The following RBFOX3 variants were observed in gnomAD, a reference collection of about 807,000 sequenced individuals.
RBFOX3 encodes the protein RNA binding protein fox-1 homolog 3.
Under a neutral mutation model 48.7 loss-of-function variants are expected in RBFOX3, and 17 were observed. The ratio of observed to expected loss-of-function variants is 0.35; its 90% confidence interval spans 0.24 to 0.52. The LOEUF (loss-of-function observed/expected upper bound fraction) is 0.52. Among genes scored for constraint, RBFOX3 ranks in the 20% least tolerant of loss-of-function variants. The pLI, the probability that RBFOX3 is intolerant of heterozygous loss-of-function variation, is 0.94. For synonymous variants in RBFOX3, 212 were observed against 209.5 expected, an observed-to-expected ratio of 1.01 and a Z score of -0.10; for missense variants, 382 against 497.5, an observed-to-expected ratio of 0.77 and a Z score of 2.21.
At chr17:79,229,794 G>A (rs959023281) in intron 4 of RBFOX3, among the ~76,000 whole-genome samples, 21 of 152,264 alleles carry the variant, frequency 1.4e-4, no homozygotes, top group African/African-American at 4.8e-4. Context: ...CTGTGGTCTT[G>A]CCTTGGCCAC....
Position 79,378,846 on chromosome 17 carries a change from G to T in RBFOX3, c.-174-71022C>A, listed in dbSNP as rs1203501021. 7.9e-5 allele frequency among the ~76,000 whole-genome samples: 12 copies of T among 152,236 alleles called. No individual in the cohort carries two copies. The East Asian group carries it at 1.5e-3, about 20-fold the overall frequency. On this transcript the variant is annotated intron_variant, in intron 2 of 14. Transcript: ENST00000693108. ...CCACTGAAAGGCTGGCAGGGAACAT[G>T]GATCCTGCTCTCCACAGCCGCACAG...
At chr17:79,445,764 G>A (rs1478710888) in intron 2 of RBFOX3, among the ~76,000 whole-genome samples, 4 of 152,188 alleles carry the variant, frequency 2.6e-5, no homozygotes, top group Non-Finnish European at 4.4e-5. Flanking sequence ...GTGTTGCCCT[G>A]TTTTATTGCT....
At chr17:79,589,833 G>A (rs1317840303) in intron 1 of RBFOX3, among the ~76,000 whole-genome samples, 1 of 152,206 alleles carries the variant, frequency 6.6e-6, no homozygotes, top group Non-Finnish European at 1.5e-5. Flanking sequence ...GCATGCTGGG[G>A]AGGGCTGTCA....
chr17:79,477,093 C>G lies in RBFOX3; in HGVS notation c.-175+5361G>C, dbSNP rs371394276. 6.7e-6 allele frequency among the ~76,000 whole-genome samples: 1 copy of G among 149,984 alleles called. No individual in the cohort carries two copies. Among genetic ancestry groups the G allele is most frequent in the Non-Finnish European group, 1.5e-5 (1 of 67,626 alleles). ...ACTAAAAATACAAAAATTAGCCAGG[C>G]GTGGTGGTGGGCGCCTGTAATCCCA... On this transcript the variant is annotated intron_variant, in intron 2 of 14. Coordinates refer to ENST00000693108, the MANE Select transcript of RBFOX3 (RefSeq NM_001350451.2). This position sits in a 1 kb window ranked among gnomAD's most constrained non-coding sequence, Gnocchi z 4.8.
intron 1 of RBFOX3, among the ~76,000 whole-genome samples, chr17:79,511,967 C>A (rs1211370932): frequency 4.6e-4 from 52 of 112,114 alleles, no homozygotes; most frequent in East Asian, 8.3e-4. Flanking sequence ...CAGGGGACAC[C>A]CACCCGGATA....
intron 3 of RBFOX3, among the ~76,000 whole-genome samples, chr17:79,277,303 A>G (rs58291177): frequency 0.027 from 2,051 of 76,354 alleles, 33 homozygotes; most frequent in Non-Finnish European, 0.034. Context: ...AATGGTGGGG[A>G]GGGGGGGGGT....
chr17:79,651,566 G>T, the RBFOX3 span, among the ~76,000 whole-genome samples: 1 of 151,662 alleles, frequency 6.6e-6, no homozygotes, highest in African/African-American at 2.4e-5. Context: ...TACAGAAGAT[G>T]CTGCAGCTTC....
chr17:79,477,514 C>A lies in RBFOX3; in HGVS notation c.-175+4940G>T, dbSNP rs1424423734. 3.3e-5 allele frequency among the ~76,000 whole-genome samples: 5 copies of A among 151,948 alleles called. No homozygotes were observed. The highest frequency in any genetic ancestry group is 5.9e-5 in the Non-Finnish European group (4 of 67,974). ...GAGTTTGCAGTGAGCTGAGATCGCC[C>A]CATCGCACTCCAGCCTGGGCGACAG... On this transcript the variant is annotated intron_variant, in intron 2 of 14. Coordinates refer to ENST00000693108, the MANE Select transcript of RBFOX3 (RefSeq NM_001350451.2). The surrounding 1 kb of genome is among the most constrained non-coding windows in gnomAD (Gnocchi z 4.8).
intron 1 of RBFOX3, among the ~76,000 whole-genome samples, chr17:79,548,137 C>T (rs113037215): frequency 6.6e-6 from 1 of 152,252 alleles, no homozygotes; most frequent in African/African-American, 2.4e-5. Flanking sequence ...CCCAGTGCGG[C>T]ACGGGCTGTG....
At chr17:79,516,494 C>G (rs1441373871) in intron 1 of RBFOX3, among the ~76,000 whole-genome samples, 10 of 152,260 alleles carry the variant, frequency 6.6e-5, no homozygotes, top group African/African-American at 2.2e-4. Flanking sequence ...ATATTCACGT[C>G]CAGCCCAGAG....
At chr17:79,547,774 G>A (rs752833858) in intron 1 of RBFOX3, among the ~76,000 whole-genome samples, 6 of 152,194 alleles carry the variant, frequency 3.9e-5, no homozygotes, top group Non-Finnish European at 7.3e-5. Context: ...CAGCAGGCAG[G>A]GGCCACACCA....
At chr17:79,128,883 G>T (rs571760746) in intron 4 of RBFOX3, among the ~76,000 whole-genome samples, 7 of 152,208 alleles carry the variant, frequency 4.6e-5, no homozygotes, top group Non-Finnish European at 5.9e-5. Context: ...TTGGTGCATG[G>T]CCCTGTTTCA....
the RBFOX3 span, among the ~76,000 whole-genome samples, chr17:79,632,535 G>A: frequency 6.6e-6 from 1 of 152,082 alleles, no homozygotes; most frequent in African/African-American, 2.4e-5. Flanking sequence ...CAGGGTCATT[G>A]CTGGCCAAGT....
chr17:79,182,549 C>T (rs868466246), intron 4 of RBFOX3, among the ~76,000 whole-genome samples: 6 of 151,496 alleles, frequency 4.0e-5, no homozygotes, highest in African/African-American at 9.7e-5. Context: ...ACGCCCCGGC[C>T]GGCCGGCGGG....
At chr17:79,658,432 C>T in the RBFOX3 span, among the ~76,000 whole-genome samples, 5 of 147,846 alleles carry the variant, frequency 3.4e-5, no homozygotes, top group African/African-American at 1.3e-4. Flanking sequence ...TCCCTCTCTC[C>T]CTCCCTGTCT....
chr17:79,410,542 G>A (rs770105732), intron 2 of RBFOX3, among the ~76,000 whole-genome samples: 38 of 152,158 alleles, frequency 2.5e-4, no homozygotes, highest in Middle Eastern at 6.3e-3. Context: ...CCAGCTGGTC[G>A]CAGAACAGGA....
chr17:79,369,629 TC>T (rs879596024), intron 2 of RBFOX3, among the ~76,000 whole-genome samples: 1 of 152,104 alleles, frequency 6.6e-6, no homozygotes, highest in Non-Finnish European at 1.5e-5. Flanking sequence ...GCCACCACCA[TC>T]TTGGTCAGTT....
At chr17:79,172,153 G>A (rs1206938563) in intron 4 of RBFOX3, among the ~76,000 whole-genome samples, 20 of 121,404 alleles carry the variant, frequency 1.6e-4, no homozygotes, top group East Asian at 1.6e-3. Flanking sequence ...CAGCCTGGGC[G>A]ACAGAGTGAG....
chr17:79,654,543 G>A, the RBFOX3 span, among the ~76,000 whole-genome samples: 4,706 of 152,268 alleles, frequency 0.031, 226 homozygotes, highest in African/African-American at 0.11. Context: ...GGCCCAGCTG[G>A]AGAATTCAAA....
Sources: gnomAD v4.1 joint callset for allele counts (sites outside exome capture counted in the v4.1 genomes callset) on GRCh38, gnomAD v4.1.1 for gene constraint, Gnocchi (gnomAD v3.1) non-coding constraint, MANE v1.5 for transcripts, NCBI Gene and HGNC (gene_info 2026-07-23, HGNC 2026-07-21) for gene names.